Variants in XRCC4 observed in about 807,000 individuals in gnomAD.
XRCC4 encodes the protein DNA repair protein XRCC4.
Under a neutral mutation model 39.1 loss-of-function variants are expected in XRCC4, and 28 were observed. The ratio of observed to expected loss-of-function variants is 0.72; its 90% CI spans 0.53 to 0.98. The LOEUF is 0.98. Ranked by LOEUF, XRCC4 falls within the 50% of genes least tolerant of loss-of-function variation. The probability of loss-of-function intolerance (pLI) is 0.00; values close to 1 mark genes in which losing one functional copy is unlikely to be tolerated. For synonymous variants in XRCC4, 123 were observed against 126.4 expected (o/e 0.97, Z 0.18); for missense variants, 350 against 376.4 (o/e 0.93, Z 0.58).
intron 7 of XRCC4, among the ~76,000 whole-genome samples, chr5:83,318,270 A>C (rs1755946791): frequency 7.9e-6 from 1 of 127,314 alleles, no homozygotes; most frequent in Non-Finnish European, 1.5e-5. Context: ...CAAAAACTGG[A>C]AGCATTCCCT....
intron 6 of XRCC4, among the ~76,000 whole-genome samples, chr5:83,216,995 C>G (rs1274668328): frequency 6.7e-6 from 1 of 149,906 alleles, no homozygotes; most frequent in Non-Finnish European, 1.5e-5. Context: ...CTAAGAGTTT[C>G]TTTCTAAAAA....
intron 6 of XRCC4, among the ~76,000 whole-genome samples, chr5:83,246,398 T>C (rs567218473): frequency 6.6e-6 from 1 of 152,278 alleles, no homozygotes; most frequent in African/African-American, 2.4e-5. Flanking sequence ...GGCCTTATAA[T>C]GAAAATTACA....
intron 7 of XRCC4, among the ~76,000 whole-genome samples, chr5:83,270,068 G>C (rs570326970): frequency 1.3e-5 from 2 of 152,244 alleles, no homozygotes; most frequent in South Asian, 2.1e-4. Context: ...GGATTAGCAG[G>C]CATTAGATTC....
Position 83,190,277 on chromosome 5 carries a change from A to G in XRCC4, c.316-5493A>G, listed in dbSNP as rs147985842. Among the ~76,000 whole-genome samples, 560 of 152,260 alleles carry G rather than the reference A, an allele frequency of 3.7e-3. 3 individuals are homozygous for G. The highest frequency in any genetic ancestry group is 0.012 in the African/African-American group (494 of 41,550). On this transcript the variant is annotated intron_variant, in intron 3 of 7. Transcript: ENST00000396027. ...CAATTTCCTGTATTACTAGAATTTT[A>G]CAACTATGTATCACAACTATATATA...
chr5:83,217,057 A>C (rs964001424), intron 6 of XRCC4, among the ~76,000 whole-genome samples: 11 of 151,832 alleles, frequency 7.2e-5, no homozygotes, highest in Admixed American at 1.3e-4. Context: ...ACACACACAC[A>C]CCCCAAAAAC....
intron 1 of XRCC4, among the ~76,000 whole-genome samples, chr5:83,088,565 T>C (rs1333403145): frequency 1.3e-5 from 2 of 152,178 alleles, no homozygotes; most frequent in African/African-American, 4.8e-5. Context: ...CAGATCAGCA[T>C]TTTAAATTTT....
intron 6 of XRCC4, among the ~76,000 whole-genome samples, chr5:83,252,766 C>T (rs1177329191): frequency 6.6e-6 from 1 of 152,116 alleles, no homozygotes; most frequent in East Asian, 1.9e-4. Flanking sequence ...CAGGCATTCT[C>T]ACTCCACTTT....
At chr5:83,092,120 G>A (rs2126989) in intron 1 of XRCC4, among the ~76,000 whole-genome samples, 48,463 of 151,932 alleles carry the variant, frequency 0.32, 7,954 homozygotes, top group Middle Eastern at 0.51. Context: ...GATGGTGAGC[G>A]TTTTTTCAAG....
intron 3 of XRCC4, among the ~76,000 whole-genome samples, chr5:83,122,002 T>G (rs977774877): frequency 6.6e-6 from 1 of 152,180 alleles, no homozygotes; most frequent in African/African-American, 2.4e-5. Flanking sequence ...TTGGTCTATA[T>G]TGGGACTCTA....
intron 6 of XRCC4, among the ~76,000 whole-genome samples, chr5:83,239,643 C>A (rs1752825610): frequency 6.7e-6 from 1 of 150,204 alleles, no homozygotes; most frequent in African/African-American, 2.5e-5. Flanking sequence ...TCCTGGCTAA[C>A]ACGGTGAAAC....
chr5:83,102,118 G>T (rs1236248740), intron 1 of XRCC4, among the ~76,000 whole-genome samples: 1 of 152,034 alleles, frequency 6.6e-6, no homozygotes, highest in East Asian at 1.9e-4. Flanking sequence ...AATTATAGAA[G>T]TGCAGTATTT....
chr5:83,220,403 C>T (rs1195362487), intron 6 of XRCC4, among the ~76,000 whole-genome samples: 2 of 152,062 alleles, frequency 1.3e-5, no homozygotes, highest in Admixed American at 1.3e-4. Context: ...ATCTGGTCCC[C>T]TGAGCCAATT....
At chr5:83,152,209 TAGTC>T (rs1038284932) in intron 3 of XRCC4, among the ~76,000 whole-genome samples, 36 of 152,382 alleles carry the variant, frequency 2.4e-4, no homozygotes, top group African/African-American at 8.7e-4. Flanking sequence ...GATGTCTGAT[TAGTC>T]AAATTAAAAA....
intron 3 of XRCC4, among the ~76,000 whole-genome samples, chr5:83,127,528 G>A (rs908146532): frequency 3.9e-5 from 6 of 152,000 alleles, no homozygotes; most frequent in African/African-American, 9.7e-5. Flanking sequence ...GCTACGTGGA[G>A]CTGTGAGTCC....
At position 83,136,464 on chromosome 5, in the gene XRCC4, C is replaced by T. The variant is rs545263404; in HGVS notation, c.315+25261C>T. Among the ~76,000 whole-genome samples the T allele has an allele frequency of 3.9e-5, 6 of 152,220 alleles. No homozygotes were observed. The South Asian group carries it at 1.2e-3, about 32-fold the overall frequency. On this transcript the variant is annotated intron_variant, in intron 3 of 7. Transcript: ENST00000396027. ...GTACTTGTTGAAAGTTGTGTTGCTC[C>T]TCATTGTTTAGTTACTGTTTTGGAA...
chr5:83,091,443 C>G (rs913069767), intron 1 of XRCC4, among the ~76,000 whole-genome samples: 3 of 152,182 alleles, frequency 2.0e-5, no homozygotes, highest in African/African-American at 7.2e-5. Flanking sequence ...CCACCAGGTC[C>G]TAGGTCAACA....
chr5:83,358,119 TC>T (rs1757210358), downstream of XRCC4, among the ~76,000 whole-genome samples: 9 of 152,124 alleles, frequency 5.9e-5, no homozygotes, highest in African/African-American at 1.9e-4. Flanking sequence ...TAAACGCTTT[TC>T]GGGAAGGTAG....
chr5:83,222,821 C>T (rs1211899057), intron 6 of XRCC4, among the ~76,000 whole-genome samples: 1 of 152,078 alleles, frequency 6.6e-6, no homozygotes, highest in Admixed American at 6.6e-5. Flanking sequence ...GATCACGGCT[C>T]ACCACAGCCT....
At chr5:83,156,419 A>G (rs550339441) in intron 3 of XRCC4, among the ~76,000 whole-genome samples, 1 of 152,176 alleles carries the variant, frequency 6.6e-6, no homozygotes, top group African/African-American at 2.4e-5. Context: ...TTTGAAGCCT[A>G]TAATGAGGGG....
Sources: allele counts gnomAD v4.1 joint callset (sites outside exome capture counted in the v4.1 genomes callset), GRCh38; gene constraint gnomAD v4.1.1; transcripts MANE v1.5; gene names NCBI Gene and HGNC (gene_info 2026-07-23, HGNC 2026-07-21).